Variants in CNTFR observed in about 807,000 individuals in gnomAD.
CNTFR encodes the protein ciliary neurotrophic factor receptor.
A neutral mutation model predicts 40.4 loss-of-function variants in CNTFR; 12 were observed. The ratio of observed to expected loss-of-function variants is 0.30; its 90% CI spans 0.19 to 0.48. The LOEUF is 0.48. Among genes scored for constraint, CNTFR ranks in the 20% least tolerant of loss-of-function variants. The probability of loss-of-function intolerance (pLI) is 0.99; values close to 1 mark genes in which losing one functional copy is unlikely to be tolerated. For synonymous variants in CNTFR, 202 were observed against 209.6 expected (o/e 0.96, Z 0.31); for missense variants, 414 against 506.8 (o/e 0.82, Z 1.76).
At chr9:34,583,275 G>T (rs143029032) in intron 1 of CNTFR, among the ~76,000 whole-genome samples, 1 of 152,218 alleles carries the variant, frequency 6.6e-6, no homozygotes, top group African/African-American at 2.4e-5. Context: ...GCAAAAAGTC[G>T]TCTTACTTAG....
At chr9:34,577,967 GT>G (rs1827075533) in intron 2 of CNTFR, among the ~76,000 whole-genome samples, 1 of 151,238 alleles carries the variant, frequency 6.6e-6, no homozygotes, top group African/African-American at 2.4e-5. Context: ...GGGCGGGGGC[GT>G]CGCGGCGGCG....
chr9:34,574,789 G>A (rs1826870940), intron 2 of CNTFR, among the ~76,000 whole-genome samples: 1 of 152,236 alleles, frequency 6.6e-6, no homozygotes, highest in African/African-American at 2.4e-5. Context: ...CCCATTCCCA[G>A]CCTCTTGCAC....
At chr9:34,585,875 T>C (rs1030154935) in intron 1 of CNTFR, among the ~76,000 whole-genome samples, 1 of 152,226 alleles carries the variant, frequency 6.6e-6, no homozygotes, top group African/African-American at 2.4e-5. Context: ...CTAACCCATC[T>C]GCATTTCAAA....
chr9:34,551,901 G>C lies in CNTFR; in HGVS notation c.*170C>G. 2.8e-6 allele frequency: 2 copies of C among 705,016 alleles called. No individual in the cohort carries two copies. Among genetic ancestry groups the C allele is most frequent in the Non-Finnish European group, 5.2e-6 (2 of 383,490 alleles). The allele number at this position is 705,016 out of a possible 1,614,324, so 43.7% of individuals were successfully genotyped here. A position where few individuals can be genotyped will look rare whatever the true frequency, so the allele number is the denominator to read the frequency against. On this transcript the variant is annotated 3_prime_UTR_variant, in exon 10 of 10. Transcript: ENST00000378980. ...GAAGGAGGGCCAGCTTGGTGCGGCAGGGCTGGGGGGCGGCAGGCCCGGGCC... is the reference window on the plus strand; with the variant it reads ...GAAGGAGGGCCAGCTTGGTGCGGCACGGCTGGGGGGCGGCAGGCCCGGGCC...
chr9:34,555,341 G>C (rs550287089), intron 7 of CNTFR, among the ~76,000 whole-genome samples: 2 of 152,240 alleles, frequency 1.3e-5, no homozygotes, highest in South Asian at 4.1e-4. Context: ...GCTGGAGTTA[G>C]AGCCTGGTAG....
At chr9:34,588,589 A>G (rs1249612805) in intron 1 of CNTFR, among the ~76,000 whole-genome samples, 1 of 152,210 alleles carries the variant, frequency 6.6e-6, no homozygotes, top group Non-Finnish European at 1.5e-5. Context: ...CCAGGCACAC[A>G]GACACACACA....
intron 4 of CNTFR, 98 bp from the exon 5 acceptor site, chr9:34,558,082 T>A: frequency 1.9e-5 from 16 of 837,964 alleles, no homozygotes; most frequent in Non-Finnish European, 2.8e-5. Flanking sequence ...CTCTCCCCCC[T>A]CAACCCATCA....
At chr9:34,558,107 G>C (rs1415661517) in intron 4 of CNTFR, 123 bp from the exon 5 acceptor site, 3 of 632,438 alleles carry the variant, frequency 4.7e-6, no homozygotes, top group Non-Finnish European at 7.5e-6. Flanking sequence ...TGCCAAAGTT[G>C]TGGCGGGGAG....
rs775177958 is a variant in CNTFR, at chr9:34,564,729, G to A, written c.189C>T (p.Asp63=). The stretch of plus-strand genomic sequence containing the variant: ...AGCCGTTGAGCAGGTCAGGGGCCAG[G>A]TCTGTCCCATTTACCCGCCACGTCA... ...AAVTWRVNGT[D]LAPDLLNGSQ... Residue 63 remains aspartate (D), a synonymous_variant, in exon 4 of 10, where the codon GAC becomes GAT. Coordinates refer to ENST00000378980, the MANE Select transcript of CNTFR (RefSeq NM_147164.3). The A allele has an allele frequency of 4.3e-6, 7 of 1,614,000 alleles. No individual in the cohort carries two copies. In the East Asian group the frequency reaches 1.3e-4, roughly 31 times the overall value.
At chr9:34,586,071 T>C (rs932854595) in intron 1 of CNTFR, among the ~76,000 whole-genome samples, 4 of 152,166 alleles carry the variant, frequency 2.6e-5, no homozygotes, top group African/African-American at 9.7e-5. Context: ...ATGTCCCTAC[T>C]GTGTGGGCTC....
intron 7 of CNTFR, among the ~76,000 whole-genome samples, chr9:34,554,822 T>C (rs1825770411): frequency 6.6e-6 from 1 of 152,226 alleles, no homozygotes; most frequent in Non-Finnish European, 1.5e-5. Context: ...ATAGACTCTG[T>C]TCACAGCAAA....
chr9:34,564,712 A>T lies in CNTFR; in HGVS notation c.206T>A (p.Leu69His), dbSNP rs1826208375. 3.7e-6 allele frequency: 6 copies of T among 1,613,978 alleles called. No homozygotes were observed. Among genetic ancestry groups the T allele is most frequent in the Non-Finnish European group, 5.1e-6 (6 of 1,180,008 alleles). The change falls in exon 4 of 10, where the codon CTC (leucine) becomes CAC (histidine). Residue 69 changes from leucine to histidine, a missense_variant. Physicochemically the swap from Leu to His is moderately conservative, Grantham distance 99 (BLOSUM62 -3). Transcript: ENST00000378980. ...VNGTDLAPDL[L>H]NGSQLVLHGL... ...ATGGAGCACCAGCTGAGAGCCGTTGAGCAGGTCAGGGGCCAGGTCTGTCCC... is the reference window on the plus strand; with the variant it reads ...ATGGAGCACCAGCTGAGAGCCGTTGTGCAGGTCAGGGGCCAGGTCTGTCCC...
chr9:34,556,242 GC>G lies in CNTFR; in HGVS notation c.768+12del. ...CTCAGGCACCCAGGATCTTGGCCGG[GC>G]AGGGCACTCACATGCTGCCACTGGT... On this transcript the variant is annotated intron_variant, in intron 7 of 9. Coordinates refer to ENST00000378980, the MANE Select transcript of CNTFR (RefSeq NM_147164.3). 1 of 1,604,728 alleles carries G rather than the reference GC, an allele frequency of 6.2e-7. No homozygotes were observed. The highest frequency in any genetic ancestry group is 8.5e-7 in the Non-Finnish European group (1 of 1,177,586).
In CNTFR at chr9:34,556,277, A is replaced by G. The variant is rs1301881216; in HGVS notation, c.746T>C (p.Leu249Pro). The part of the protein sequence containing the change: ...PLKFFLRYRP[L>P]ILDQWQHVEL... ...CACATGCTGCCACTGGTCCAGGATG[A>G]GGGGTCGGTAGCGCAGAAAGAACTT... The change falls in exon 7 of 10, where the codon CTC becomes CCC. Residue 249 changes from leucine (L) to proline (P), a missense_variant. Physicochemically the swap from Leu to Pro is moderately conservative, Grantham distance 98. Transcript: ENST00000378980. 1 of 1,612,894 alleles carries G rather than the reference A, an allele frequency of 6.2e-7. No individual in the cohort carries two copies. The highest frequency in any genetic ancestry group is 8.5e-7 in the Non-Finnish European group (1 of 1,179,552).
chr9:34,586,486 C>T (rs1480874650), intron 1 of CNTFR, among the ~76,000 whole-genome samples: 1 of 152,146 alleles, frequency 6.6e-6, no homozygotes, highest in Non-Finnish European at 1.5e-5. Flanking sequence ...CTGCTCCCTC[C>T]AATCTTCACA....
chr9:34,551,656 GC>G lies in CNTFR; in HGVS notation c.*414del, dbSNP rs1013031217. ...GTGCTGGGGGGAGGGGGATGGCTGG[GC>G]CCCCCCAGCATCAGGAGCTTATAAT... On this transcript the variant is annotated 3_prime_UTR_variant, in exon 10 of 10. Coordinates refer to ENST00000378980, the MANE Select transcript of CNTFR (RefSeq NM_147164.3). The G allele has an allele frequency of 5.3e-5, 18 of 339,362 alleles. No homozygotes were observed. Among genetic ancestry groups the G allele is most frequent in the Non-Finnish European group, 8.3e-5 (15 of 180,366 alleles). The allele number at this position is 339,362 out of a possible 1,614,324, so 21.0% of individuals were successfully genotyped here.
At chr9:34,562,332 T>C (rs1239149841) in intron 4 of CNTFR, among the ~76,000 whole-genome samples, 2 of 152,182 alleles carry the variant, frequency 1.3e-5, no homozygotes, top group Admixed American at 6.5e-5. Flanking sequence ...CCTGCATTTC[T>C]CAAGCTGGCC....
chr9:34,568,839 G>C, intron 3 of CNTFR, 58 bp downstream of exon 3: 1 of 1,451,942 alleles, frequency 6.9e-7, no homozygotes, highest in Non-Finnish European at 9.5e-7. Flanking sequence ...CTATGCCAGT[G>C]AGGGTTCATG....
chr9:34,588,110 T>C (rs546311331), intron 1 of CNTFR, among the ~76,000 whole-genome samples: 2 of 151,956 alleles, frequency 1.3e-5, no homozygotes, highest in South Asian at 2.1e-4. Flanking sequence ...AGGGTCTCAG[T>C]TGGAGTATCA....
Sources: allele counts gnomAD v4.1 joint callset (sites outside exome capture counted in the v4.1 genomes callset), GRCh38; gene constraint gnomAD v4.1.1; transcripts MANE v1.5; gene names NCBI Gene and HGNC (gene_info 2026-07-23, HGNC 2026-07-21).